The following TAF1B variants were observed in gnomAD, a reference collection of about 807,000 sequenced individuals.
TAF1B encodes TATA box-binding protein-associated factor RNA polymerase I subunit B.
A neutral mutation model predicts 83.9 loss-of-function variants in TAF1B; 61 were observed. That is an observed-to-expected ratio of 0.73 (90% CI 0.59 to 0.90). The LOEUF (loss-of-function observed/expected upper bound fraction) is 0.90, where lower values mean the gene tolerates loss of function less well. Among genes scored for constraint, TAF1B ranks in the 40% least tolerant of loss-of-function variants. The pLI, the probability that TAF1B is intolerant of heterozygous loss-of-function variation, is 0.00. For synonymous variants in TAF1B, 221 were observed against 224.6 expected (o/e 0.98, Z 0.14); for missense variants, 625 against 677.0 (o/e 0.92, Z 0.85).
At chr2:9,875,031 G>A (rs1040265864) in intron 6 of TAF1B, among the ~76,000 whole-genome samples, 4 of 151,170 alleles carry the variant, frequency 2.6e-5, no homozygotes, top group East Asian at 1.9e-4. Context: ...GCAATGGCAC[G>A]ATCTCGGCTC....
chr2:9,902,400 C>T (rs1419229932), intron 8 of TAF1B, among the ~76,000 whole-genome samples: 1 of 152,146 alleles, frequency 6.6e-6, no homozygotes, highest in Non-Finnish European at 1.5e-5. Context: ...TGCTCCCTTC[C>T]AGTCATGTCC....
At chr2:9,907,757 A>G (rs1291520834) in intron 9 of TAF1B, among the ~76,000 whole-genome samples, 1 of 152,038 alleles carries the variant, frequency 6.6e-6, no homozygotes, top group Non-Finnish European at 1.5e-5. Context: ...GCCCATATAT[A>G]AATTCTCTTC....
chr2:9,888,937 G>A (rs937927864), intron 8 of TAF1B, among the ~76,000 whole-genome samples: 9 of 150,520 alleles, frequency 6.0e-5, no homozygotes, highest in African/African-American at 2.2e-4. Context: ...CTGAGTATCT[G>A]GGATTACAGA....
intron 14 of TAF1B, 21 bp from the exon 15 acceptor site, chr2:9,933,761 CT>C (rs1025502499): frequency 6.3e-7 from 1 of 1,580,900 alleles, no homozygotes; most frequent in South Asian, 1.1e-5. Flanking sequence ...AAGATAAATT[CT>C]TTTTTCTTTT....
At chr2:9,859,637 C>T (rs1663686996) in intron 5 of TAF1B, among the ~76,000 whole-genome samples, 1 of 152,122 alleles carries the variant, frequency 6.6e-6, no homozygotes, top group African/African-American at 2.4e-5. Flanking sequence ...AGGCCCACCT[C>T]CACCTCTCAA....
At chr2:9,869,583 A>G (rs931948422) in intron 6 of TAF1B, among the ~76,000 whole-genome samples, 4 of 151,846 alleles carry the variant, frequency 2.6e-5, no homozygotes, top group African/African-American at 9.7e-5. Context: ...TTTACATTAA[A>G]AGTAATCAAT....
At chr2:9,843,978 A>G (rs1663113868) in intron 1 of TAF1B, among the ~76,000 whole-genome samples, 2 of 152,088 alleles carry the variant, frequency 1.3e-5, no homozygotes, top group South Asian at 4.2e-4. Flanking sequence ...CTCTCCGGGA[A>G]TCCTTGCCAC....
chr2:9,896,586 G>A (rs1263102684), intron 8 of TAF1B, among the ~76,000 whole-genome samples: 2 of 91,060 alleles, frequency 2.2e-5, no homozygotes, highest in Non-Finnish European at 4.0e-5. Context: ...TTTTATTTTT[G>A]TTATTCCAGA....
rs776518790 is a variant in TAF1B, at chr2:9,911,573, A to G, written c.1180+16A>G. On this transcript the variant is annotated intron_variant, in intron 11 of 14. Coordinates refer to ENST00000263663, the MANE Select transcript of TAF1B (RefSeq NM_005680.3). ...AACAAAAAAGGTATTTTAATTTTTTATCATTCAAATTCAAAGTGGTTATAG... is the reference window on the plus strand; with the variant it reads ...AACAAAAAAGGTATTTTAATTTTTTGTCATTCAAATTCAAAGTGGTTATAG... 3.4e-6 allele frequency: 5 copies of G among 1,487,104 alleles called. No individual in the cohort carries two copies. Among genetic ancestry groups the G allele is most frequent in the Non-Finnish European group, 4.5e-6 (5 of 1,103,536 alleles). The allele number at this position is 1,487,104 out of a possible 1,614,324, so 92.1% of individuals were successfully genotyped here.
At chr2:9,920,099 A>AT (rs2125179267) in intron 14 of TAF1B, among the ~76,000 whole-genome samples, 1 of 152,314 alleles carries the variant, frequency 6.6e-6, no homozygotes, top group Non-Finnish European at 1.5e-5. Flanking sequence ...AATGTGCTGT[A>AT]TTTTTTAGTA....
chr2:9,846,571 A>T (rs1187595852), intron 2 of TAF1B, among the ~76,000 whole-genome samples: 1 of 152,230 alleles, frequency 6.6e-6, no homozygotes, highest in African/African-American at 2.4e-5. Flanking sequence ...TTTGTCCCCT[A>T]AACAATGAAA....
At position 9,843,571 on chromosome 2, in the gene TAF1B, G is replaced by C; in HGVS notation, c.18+12G>C. On this transcript the variant is annotated intron_variant, in intron 1 of 14. Transcript: ENST00000263663. ...ACCTCGAGGAGGCGGTAAGGAGGCG[G>C]TGCACCTGGCGGGCCACGATCGCCG... is the stretch of plus-strand genomic sequence containing the variant. The C allele has an allele frequency of 1.3e-6, 2 of 1,521,046 alleles. No individual in the cohort carries two copies. The highest frequency in any genetic ancestry group is 1.8e-6 in the Non-Finnish European group (2 of 1,131,324). The allele number at this position is 1,521,046 out of a possible 1,614,324, so 94.2% of individuals were successfully genotyped here. A position where few individuals can be genotyped will look rare whatever the true frequency, so the allele number is the denominator to read the frequency against.
intron 8 of TAF1B, among the ~76,000 whole-genome samples, chr2:9,897,914 C>G (rs927842306): frequency 6.6e-6 from 1 of 152,104 alleles, no homozygotes; most frequent in African/African-American, 2.4e-5. Context: ...ACTCTTCCCT[C>G]CCAGACAGCA....
intron 14 of TAF1B, among the ~76,000 whole-genome samples, chr2:9,932,558 G>A (rs557949956): frequency 1.3e-5 from 2 of 152,164 alleles, no homozygotes; most frequent in Non-Finnish European, 2.9e-5. Context: ...GTCCCAGGGG[G>A]CACCTGCCTG....
chr2:9,904,719 G>C, intron 8 of TAF1B, 140 bp from the exon 9 acceptor site: 1 of 777,348 alleles, frequency 1.3e-6, no homozygotes, highest in East Asian at 2.7e-5. Context: ...CAGTGCATAA[G>C]TGTTCCTTTT....
intron 5 of TAF1B, among the ~76,000 whole-genome samples, chr2:9,860,826 T>G (rs142072097): frequency 2.0e-5 from 3 of 152,250 alleles, no homozygotes; most frequent in African/African-American, 7.2e-5. Flanking sequence ...TTGATTGGAA[T>G]GGAATATAAG....
intron 8 of TAF1B, among the ~76,000 whole-genome samples, chr2:9,893,245 A>G (rs1021383025): frequency 2.0e-5 from 3 of 152,286 alleles, no homozygotes; most frequent in South Asian, 4.2e-4. Context: ...CTATCTGTCT[A>G]CCTACCTACT....
intron 7 of TAF1B, among the ~76,000 whole-genome samples, chr2:9,876,404 A>G (rs1475089743): frequency 6.6e-6 from 1 of 152,244 alleles, no homozygotes; most frequent in Non-Finnish European, 1.5e-5. Flanking sequence ...AAAAGCATAT[A>G]TTGGTGTTAA....
chr2:9,907,677 T>C (rs1358267460), intron 9 of TAF1B, among the ~76,000 whole-genome samples: 1 of 152,094 alleles, frequency 6.6e-6, no homozygotes, highest in African/African-American at 2.4e-5. Flanking sequence ...CTGGATAGAG[T>C]TTCTGATGGC....
Sources: gnomAD v4.1 joint callset for allele counts (sites outside exome capture counted in the v4.1 genomes callset) on GRCh38, gnomAD v4.1.1 for gene constraint, MANE v1.5 for transcripts, NCBI Gene and HGNC (gene_info 2026-07-23, HGNC 2026-07-21) for gene names.